Variants in SNX4 observed in about 807,000 individuals in gnomAD.
SNX4 encodes sorting nexin 4, also known as sorting nexin-4.
SNX4 carries 49 observed loss-of-function variants against 70.8 expected under a neutral mutation model. That is an observed-to-expected ratio of 0.69 (90% CI 0.55 to 0.88). SNX4 has a LOEUF of 0.88. Among genes scored for constraint, SNX4 ranks in the 40% least tolerant of loss-of-function variants. SNX4 has a pLI of 0.00. For missense variants in SNX4, 528 were observed against 544.8 expected (o/e 0.97, Z 0.31); for synonymous variants, 206 against 183.8 (o/e 1.12, Z -0.98).
intron 2 of SNX4, among the ~76,000 whole-genome samples, chr3:125,502,946 GC>G (rs2107564296): frequency 6.8e-6 from 1 of 146,068 alleles, no homozygotes; most frequent in East Asian, 2.0e-4. Context: ...TTTTGAGACA[GC>G]CTCTCGCTCT....
At chr3:125,458,534 C>G (rs943877001) in intron 10 of SNX4, among the ~76,000 whole-genome samples, 5 of 151,964 alleles carry the variant, frequency 3.3e-5, no homozygotes, top group Admixed American at 6.6e-5. Flanking sequence ...AGAAAAGATT[C>G]GGATGGGCGC....
At chr3:125,478,505 T>A (rs1433258950) in intron 7 of SNX4, among the ~76,000 whole-genome samples, 1 of 151,932 alleles carries the variant, frequency 6.6e-6, no homozygotes, top group Non-Finnish European at 1.5e-5. Context: ...CTGTAGGACC[T>A]TTTAGACCTT....
At chr3:125,493,007 C>T (rs895744863) in intron 5 of SNX4, among the ~76,000 whole-genome samples, 1 of 152,174 alleles carries the variant, frequency 6.6e-6, no homozygotes, top group Non-Finnish European at 1.5e-5. Flanking sequence ...TGAGTTAAAA[C>T]GTTACTTTTA....
At chr3:125,465,028 A>G (rs1464872317) in intron 9 of SNX4, among the ~76,000 whole-genome samples, 3 of 151,920 alleles carry the variant, frequency 2.0e-5, no homozygotes, top group African/African-American at 7.3e-5. Flanking sequence ...TACAGGCTTG[A>G]GCCACCATGC....
chr3:125,471,147 C>T (rs879723886), intron 8 of SNX4, among the ~76,000 whole-genome samples: 28 of 151,940 alleles, frequency 1.8e-4, no homozygotes, highest in Admixed American at 1.4e-3. Context: ...GAGTTCGAGA[C>T]CAGCCTGACC....
intron 9 of SNX4, 108 bp downstream of exon 9, chr3:125,469,346 G>A (rs1257860464): frequency 6.1e-5 from 43 of 707,812 alleles, no homozygotes; most frequent in African/African-American, 1.3e-4. Flanking sequence ...CACATAGAGC[G>A]CAATATAAAT....
At chr3:125,474,917 G>GTT (rs1194826696) in intron 8 of SNX4, among the ~76,000 whole-genome samples, 1 of 152,092 alleles carries the variant, frequency 6.6e-6, no homozygotes, top group Non-Finnish European at 1.5e-5. Flanking sequence ...TTGGGTTCCA[G>GTT]TTTGAGTAAT....
chr3:125,495,248 C>CTTTT (rs1553727771), intron 5 of SNX4, among the ~76,000 whole-genome samples: 4 of 14,880 alleles, frequency 2.7e-4, no homozygotes, highest in Admixed American at 1.5e-3. Context: ...CTCATTCTCT[C>CTTTT]TTTATATATA....
At position 125,508,025 on chromosome 3, in the gene SNX4, C is replaced by T. The variant is rs1580009238; in HGVS notation, c.142-3281G>A. Among the ~76,000 whole-genome samples, 3 of 151,996 alleles carry T rather than the reference C, an allele frequency of 2.0e-5. No individual in the cohort carries two copies. The South Asian group carries it at 6.2e-4, about 32-fold the overall frequency. On this transcript the variant is annotated intron_variant, in intron 1 of 13. Transcript: ENST00000251775. The stretch of plus-strand genomic sequence containing the variant: ...GAATTAAGGTGGTAAAAGACTTGTA[C>T]AATGGAAAGTATAAAACACTGCTAG...
intron 11 of SNX4, among the ~76,000 whole-genome samples, chr3:125,456,518 ATG>A (rs1933720389): frequency 6.6e-6 from 1 of 151,978 alleles, no homozygotes; most frequent in Non-Finnish European, 1.5e-5. Context: ...ATGGGGGCAC[ATG>A]CCTGTGGTCC....
At chr3:125,489,083 G>C (rs1934596603) in intron 6 of SNX4, among the ~76,000 whole-genome samples, 1 of 152,028 alleles carries the variant, frequency 6.6e-6, no homozygotes, top group South Asian at 2.1e-4. Flanking sequence ...TTCTTATCTT[G>C]AGCTGTGCAT....
intron 2 of SNX4, among the ~76,000 whole-genome samples, chr3:125,499,049 G>C (rs1041280051): frequency 1.3e-5 from 2 of 152,114 alleles, no homozygotes; most frequent in African/African-American, 4.8e-5. Context: ...GTGGCGAAGA[G>C]GGGTCATAAA....
chr3:125,457,566 T>C (rs1026241293), intron 10 of SNX4, among the ~76,000 whole-genome samples: 6 of 146,244 alleles, frequency 4.1e-5, no homozygotes, highest in Non-Finnish European at 9.0e-5. Context: ...AAAAACTTCA[T>C]ATATTCTTTT....
chr3:125,480,456 C>T (rs1202692717), intron 6 of SNX4, 137 bp from the exon 7 acceptor site: 3 of 382,374 alleles, frequency 7.8e-6, no homozygotes, highest in African/African-American at 6.3e-5. Context: ...CATTTACACA[C>T]CAATATAAAT....
At chr3:125,469,741 GGTAA>G (rs1934120192) in intron 8 of SNX4, among the ~76,000 whole-genome samples, 1 of 150,978 alleles carries the variant, frequency 6.6e-6, no homozygotes, top group South Asian at 2.1e-4. Context: ...CTAAGCGGAA[GGTAA>G]GTATCATACT....
At chr3:125,457,387 G>A (rs1933749516) in intron 10 of SNX4, 22 bp from the exon 11 acceptor site, 1 of 1,570,250 alleles carries the variant, frequency 6.4e-7, no homozygotes, top group African/African-American at 1.4e-5. Context: ...AAAATGTGCT[G>A]CCATTTAACT....
intron 7 of SNX4, among the ~76,000 whole-genome samples, chr3:125,477,631 T>C (rs1934315870): frequency 6.6e-6 from 1 of 152,178 alleles, no homozygotes; most frequent in Non-Finnish European, 1.5e-5. Context: ...ACATTAATGA[T>C]AGAACAAATC....
At chr3:125,472,000 A>G (rs956193411) in intron 8 of SNX4, among the ~76,000 whole-genome samples, 9 of 152,216 alleles carry the variant, frequency 5.9e-5, no homozygotes, top group African/African-American at 2.2e-4. Context: ...CACCATGAAC[A>G]TACTACAAAA....
intron 9 of SNX4, among the ~76,000 whole-genome samples, chr3:125,465,456 C>G (rs981475888): frequency 2.0e-5 from 3 of 151,728 alleles, no homozygotes; most frequent in African/African-American, 7.3e-5. Context: ...GCCATGTCAG[C>G]CAGGCTGGTC....
Sources: gnomAD v4.1 joint callset for allele counts (sites outside exome capture counted in the v4.1 genomes callset) on GRCh38, gnomAD v4.1.1 for gene constraint, MANE v1.5 for transcripts, NCBI Gene and HGNC (gene_info 2026-07-23, HGNC 2026-07-21) for gene names.